The following CSMD3 variants were observed in gnomAD, a reference collection of about 807,000 sequenced individuals.
The protein encoded by CSMD3 is CUB and sushi domain-containing protein 3.
Under a neutral mutation model 435.2 loss-of-function variants are expected in CSMD3, and 177 were observed. The observed-to-expected ratio is 0.41, with a 90% confidence interval of 0.36 to 0.46. The LOEUF (loss-of-function observed/expected upper bound fraction) is 0.46, where lower values mean the gene tolerates loss of function less well. CSMD3 is among the 20% of genes least tolerant of loss of function. The probability of loss-of-function intolerance (pLI) is 0.34; values close to 1 mark genes in which losing one functional copy is unlikely to be tolerated. For synonymous variants in CSMD3, 1,656 were observed against 1,520.5 expected, an observed-to-expected ratio of 1.09 and a Z score of -2.07; for missense variants, 4,265 against 4,504.6, an observed-to-expected ratio of 0.95 and a Z score of 1.52.
At chr8:112,742,463 G>T (rs544787337) in intron 13 of CSMD3, among the ~76,000 whole-genome samples, 1 of 151,858 alleles carries the variant, frequency 6.6e-6, no homozygotes, top group African/African-American at 2.4e-5. Context: ...AAAGCTGTAA[G>T]GCTCTTTTTT....
chr8:112,638,671 GC>G (rs763201177), intron 21 of CSMD3, 24 bp downstream of exon 21: 33 of 1,343,910 alleles, frequency 2.5e-5, no homozygotes, highest in Non-Finnish European at 3.5e-5. Context: ...TACTGAATGA[GC>G]CCTTTTGTTT....
rs150934447 is a variant in CSMD3 at position 112,460,497 on chromosome 8, G to A, written c.5395+12094C>T. On this transcript the variant is annotated intron_variant, in intron 32 of 70. Coordinates refer to ENST00000297405, the MANE Select transcript of CSMD3 (RefSeq NM_198123.2). ...ATTTAGTCCATACTGTGTTTTAAAT[G>A]TTATAGAATTAAACTACCTTCAAGA... is the stretch of plus-strand genomic sequence containing the variant. 3.3e-3 allele frequency among the ~76,000 whole-genome samples: 489 copies of A among 149,438 alleles called. 2 individuals are homozygous for A. Among genetic ancestry groups the A allele is most frequent in the Non-Finnish European group, 5.1e-3 (341 of 67,318 alleles).
chr8:112,289,745 C>T (rs929687), intron 56 of CSMD3, among the ~76,000 whole-genome samples: 101,639 of 151,864 alleles, frequency 0.67, 35,786 homozygotes, highest in African/African-American at 0.89. Context: ...TTACTCATTC[C>T]GAGGATGAGT....
chr8:112,954,631 C>T (rs1017824070), intron 8 of CSMD3, 53 bp downstream of exon 8: 30 of 1,135,220 alleles, frequency 2.6e-5, no homozygotes, highest in Non-Finnish European at 4.0e-5. Context: ...AACACAGACA[C>T]CACAAACTTC....
At chr8:113,107,185 C>A (rs1055417849) in intron 4 of CSMD3, among the ~76,000 whole-genome samples, 8 of 152,206 alleles carry the variant, frequency 5.3e-5, no homozygotes, top group Non-Finnish European at 1.2e-4. Context: ...ACACTGGGGG[C>A]CTGGCACAGA....
chr8:112,580,809 C>T (rs1451410229), intron 23 of CSMD3, among the ~76,000 whole-genome samples: 1 of 151,988 alleles, frequency 6.6e-6, no homozygotes, highest in African/African-American at 2.4e-5. Context: ...ACAGATAATG[C>T]CCTAGGACAA....
intron 27 of CSMD3, among the ~76,000 whole-genome samples, chr8:112,522,478 C>A (rs1031009346): frequency 6.6e-5 from 10 of 151,838 alleles, no homozygotes; most frequent in Non-Finnish European, 1.0e-4. Context: ...CTTATCAAAT[C>A]TAGCTTTGCT....
At chr8:112,487,092 C>A (rs1422293262) in intron 31 of CSMD3, among the ~76,000 whole-genome samples, 1 of 152,144 alleles carries the variant, frequency 6.6e-6, no homozygotes, top group East Asian at 1.9e-4. Flanking sequence ...AAGAATATTT[C>A]ATTTGTACGG....
intron 12 of CSMD3, among the ~76,000 whole-genome samples, chr8:112,808,524 C>A (rs968958515): frequency 6.6e-6 from 1 of 152,030 alleles, no homozygotes; most frequent in Admixed American, 6.6e-5. Context: ...TGATAAGATA[C>A]TGTGGCAAGC....
chr8:112,410,626 G>T (rs371128393), intron 32 of CSMD3, among the ~76,000 whole-genome samples: 1 of 33,468 alleles, frequency 3.0e-5, no homozygotes, highest in Non-Finnish European at 6.4e-5. Flanking sequence ...GTATATATAT[G>T]TGTATATATA....
chr8:112,881,488 G>A (rs2081446960), intron 10 of CSMD3, among the ~76,000 whole-genome samples: 1 of 151,980 alleles, frequency 6.6e-6, no homozygotes, highest in African/African-American at 2.4e-5. Context: ...ATGTTTCTAT[G>A]AATTGTTAAG....
intron 1 of CSMD3, among the ~76,000 whole-genome samples, chr8:113,358,292 C>T (rs1452048673): frequency 1.3e-5 from 2 of 152,206 alleles, no homozygotes; most frequent in Non-Finnish European, 2.9e-5. Context: ...AGAAATACTA[C>T]ATATGCAGAA....
intron 13 of CSMD3, among the ~76,000 whole-genome samples, chr8:112,781,678 C>T (rs2078390531): frequency 6.6e-6 from 1 of 152,068 alleles, no homozygotes; most frequent in South Asian, 2.1e-4. Context: ...GTGGTGCTGA[C>T]CACAGGAGTA....
At chr8:112,562,560 G>A (rs1024442966) in intron 24 of CSMD3, among the ~76,000 whole-genome samples, 1 of 151,078 alleles carries the variant, frequency 6.6e-6, no homozygotes, top group African/African-American at 2.4e-5. Flanking sequence ...AAATACATTA[G>A]AGAAATATGC....
chr8:112,292,207 A>C (rs1405862110), intron 55 of CSMD3, among the ~76,000 whole-genome samples: 1 of 152,180 alleles, frequency 6.6e-6, no homozygotes, highest in African/African-American at 2.4e-5. Context: ...GCAAATTGCA[A>C]GTAAAAATAA....
rs756292276 is a variant in CSMD3 at position 113,019,090 on chromosome 8, C to T, written c.1007G>A (p.Arg336His). The T allele has an allele frequency of 5.6e-6, 9 of 1,611,004 alleles. No individual in the cohort carries two copies. The highest frequency in any genetic ancestry group is 5.5e-5 in the South Asian group (5 of 91,018). ...HFVTDSNHRY[R>H]GFSAPYQGSS... ...ACCTTGATAGGGAGCACTAAATCCA[C>T]GGTATCGATGATTGCTGTCTGTAAC... Residue 336 changes from arginine to histidine, a missense_variant, in exon 6 of 71, where the codon CGT (arginine) becomes CAT (histidine). By Grantham distance (29) the Arg-to-His change is conservative. Transcript: ENST00000297405.
intron 4 of CSMD3, among the ~76,000 whole-genome samples, chr8:113,129,925 T>C (rs2091241822): frequency 6.6e-6 from 1 of 151,994 alleles, no homozygotes; most frequent in Non-Finnish European, 1.5e-5. Flanking sequence ...TGTTTTTATT[T>C]TACTTATATA....
intron 32 of CSMD3, among the ~76,000 whole-genome samples, chr8:112,439,594 C>T (rs1814758700): frequency 6.6e-6 from 1 of 152,062 alleles, no homozygotes; most frequent in African/African-American, 2.4e-5. Flanking sequence ...TAAAGAACTG[C>T]CTGACACTAC....
chr8:112,873,896 A>G lies in CSMD3; in HGVS notation c.1634-14630T>C, dbSNP rs1197568037. On this transcript the variant is annotated intron_variant, in intron 10 of 70. Transcript: ENST00000297405. ...ACTGATTTTTTTTGAAGGGTTTTTC[A>G]TATCTCTATCTCCTTCAGTTCTGCT... Among the ~76,000 whole-genome samples, 3 of 151,810 alleles carry G rather than the reference A, an allele frequency of 2.0e-5. No individual in the cohort carries two copies. The East Asian group carries it at 5.8e-4, about 29-fold the overall frequency.
Sources: gnomAD v4.1 joint callset for allele counts (sites outside exome capture counted in the v4.1 genomes callset) on GRCh38, gnomAD v4.1.1 for gene constraint, MANE v1.5 for transcripts, NCBI Gene and HGNC (gene_info 2026-07-23, HGNC 2026-07-21) for gene names.